Variants in NBEA observed in about 807,000 individuals in gnomAD.
NBEA encodes the protein lysosomal-trafficking regulator 2.
In NBEA, 44 loss-of-function variants were observed where a neutral mutation model predicts 343.4. The observed-to-expected ratio is 0.13, with a 90% CI of 0.10 to 0.16. The LOEUF is 0.16. Among genes scored for constraint, NBEA ranks in the 10% least tolerant of loss-of-function variants. The probability of loss-of-function intolerance (pLI) is 1.00; values close to 1 mark genes in which losing one functional copy is unlikely to be tolerated. For synonymous variants in NBEA, 1,175 were observed against 1,238.7 expected, an observed-to-expected ratio of 0.95 and a Z score of 1.08; for missense variants, 2,555 against 3,631.3, an observed-to-expected ratio of 0.70 and a Z score of 7.62.
At chr13:35,511,680 C>T (rs908253070) in intron 41 of NBEA, among the ~76,000 whole-genome samples, 3 of 152,118 alleles carry the variant, frequency 2.0e-5, no homozygotes, top group Non-Finnish European at 4.4e-5. Flanking sequence ...ATTAGTAAGG[C>T]AGCATTACAC....
intron 1 of NBEA, among the ~76,000 whole-genome samples, chr13:35,010,747 T>A (rs1445166938): frequency 0.027 from 395 of 14,444 alleles, 38 homozygotes; most frequent in East Asian, 0.096. Flanking sequence ...AAAAAATATA[T>A]ATATATATAT....
chr13:35,027,277 C>T (rs759926711), intron 1 of NBEA, among the ~76,000 whole-genome samples: 5 of 151,958 alleles, frequency 3.3e-5, no homozygotes, highest in African/African-American at 4.8e-5. Flanking sequence ...AGTGAAATTA[C>T]TTGATAATAT....
Position 35,554,969 on chromosome 13 carries a change from G to A in NBEA, c.6807-18G>A. 7.4e-7 allele frequency: 1 copy of A among 1,344,644 alleles called. No individual in the cohort carries two copies. The highest frequency in any genetic ancestry group is 1.1e-6 in the Non-Finnish European group (1 of 946,756). The allele number at this position is 1,344,644 out of a possible 1,614,324, so 83.3% of individuals were successfully genotyped here. A position where few individuals can be genotyped will look rare whatever the true frequency, so the allele number is the denominator to read the frequency against. ...GAATTAAAGAGACTATGTTTGTTAT[G>A]CTGTGCTTAATTGCTAGGAGGATAT... is the stretch of plus-strand genomic sequence containing the variant. On this transcript the variant is annotated intron_variant, in intron 43 of 58. Coordinates refer to ENST00000379939, the MANE Select transcript of NBEA (RefSeq NM_001385012.1).
chr13:35,218,887 T>C (rs1371566022), intron 33 of NBEA, among the ~76,000 whole-genome samples: 1 of 152,056 alleles, frequency 6.6e-6, no homozygotes, highest in Admixed American at 6.6e-5. Context: ...TCTTGAAAGC[T>C]TCTATAAGAT....
chr13:35,130,013 G>A (rs2152684400), intron 17 of NBEA, among the ~76,000 whole-genome samples: 1 of 152,226 alleles, frequency 6.6e-6, no homozygotes, highest in South Asian at 2.1e-4. Flanking sequence ...TGAATAGAGT[G>A]ATGATTTACT....
chr13:35,336,244 TA>T (rs2039250470), intron 36 of NBEA, among the ~76,000 whole-genome samples: 1 of 152,070 alleles, frequency 6.6e-6, no homozygotes, highest in Non-Finnish European at 1.5e-5. Context: ...ATTGCCATAT[TA>T]TAATACTCAA....
chr13:35,500,797 G>A (rs2076859232), intron 41 of NBEA, among the ~76,000 whole-genome samples: 1 of 150,358 alleles, frequency 6.7e-6, no homozygotes, highest in South Asian at 2.1e-4. Flanking sequence ...TAGGAGAATA[G>A]TTAGAGGCTT....
intron 1 of NBEA, among the ~76,000 whole-genome samples, chr13:34,988,207 G>A (rs1031268978): frequency 2.6e-5 from 4 of 151,044 alleles, no homozygotes; most frequent in South Asian, 2.1e-4. Context: ...GGTGTCAGTC[G>A]GCCCCTACTG....
chr13:35,027,787 A>G (rs2062066570), intron 1 of NBEA, among the ~76,000 whole-genome samples: 1 of 151,888 alleles, frequency 6.6e-6, no homozygotes, highest in Non-Finnish European at 1.5e-5. Flanking sequence ...CTGCTATGTT[A>G]TCTTCTAAAA....
intron 8 of NBEA, 127 bp from the exon 9 acceptor site, chr13:35,069,781 C>T: frequency 2.0e-6 from 1 of 505,896 alleles, no homozygotes; most frequent in South Asian, 7.4e-5. Context: ...AGTAATACCA[C>T]TGAATAGTCC....
intron 36 of NBEA, among the ~76,000 whole-genome samples, chr13:35,327,319 A>G (rs556259300): frequency 6.6e-6 from 1 of 152,224 alleles, no homozygotes; most frequent in East Asian, 1.9e-4. Flanking sequence ...AAGAAAACAC[A>G]TGTACACGTA....
In NBEA at chr13:35,019,179, C is replaced by T. The variant is rs143130824; in HGVS notation, c.295-21754C>T. 1.5e-3 allele frequency among the ~76,000 whole-genome samples: 232 copies of T among 151,528 alleles called. 1 individual carries two copies. The highest frequency in any genetic ancestry group is 5.0e-3 in the African/African-American group (207 of 41,358). ...TATATATTAAGTGTTTTTGTGTCTA[C>T]GTTCACGATGGTTATTTGGCTGTAG... On this transcript the variant is annotated intron_variant, in intron 1 of 58. Transcript: ENST00000379939.
intron 32 of NBEA, among the ~76,000 whole-genome samples, chr13:35,209,520 T>A (rs2152751374): frequency 6.6e-6 from 1 of 152,214 alleles, no homozygotes; most frequent in South Asian, 2.1e-4. Flanking sequence ...TTTTGTAAAT[T>A]TCCAGAAATG....
intron 18 of NBEA, among the ~76,000 whole-genome samples, chr13:35,152,097 TGTA>T (rs2068827038): frequency 6.6e-6 from 1 of 152,172 alleles, no homozygotes; most frequent in East Asian, 1.9e-4. Context: ...TAGTTAAACA[TGTA>T]GTGGTGACAC....
chr13:35,519,206 T>G (rs1279941116), intron 41 of NBEA, among the ~76,000 whole-genome samples: 1 of 152,336 alleles, frequency 6.6e-6, no homozygotes, highest in African/African-American at 2.4e-5. Flanking sequence ...AAATGTATTC[T>G]TTGTTTTGGG....
intron 33 of NBEA, among the ~76,000 whole-genome samples, chr13:35,220,356 T>G (rs1017917105): frequency 3.3e-5 from 5 of 152,176 alleles, no homozygotes; most frequent in African/African-American, 1.2e-4. Flanking sequence ...ATATTTCTTC[T>G]TCTGAAAGAA....
chr13:35,187,080 C>T, intron 30 of NBEA, among the ~76,000 whole-genome samples: 2 of 151,960 alleles, frequency 1.3e-5, no homozygotes, highest in East Asian at 3.9e-4. Context: ...TTTATTTTTT[C>T]AGTAATTTAC....
chr13:35,661,285 C>T (rs2085078868), intron 55 of NBEA, among the ~76,000 whole-genome samples: 1 of 152,022 alleles, frequency 6.6e-6, no homozygotes, highest in Admixed American at 6.6e-5. Context: ...TTTAGGTGAG[C>T]GTAGGACAGT....
chr13:35,206,436 T>C (rs2073401224), intron 31 of NBEA, among the ~76,000 whole-genome samples: 1 of 152,170 alleles, frequency 6.6e-6, no homozygotes, highest in Non-Finnish European at 1.5e-5. Flanking sequence ...GCATTATACT[T>C]TCACTAATGA....
Sources: gnomAD v4.1 joint callset for allele counts (sites outside exome capture counted in the v4.1 genomes callset) on GRCh38, gnomAD v4.1.1 for gene constraint, MANE v1.5 for transcripts, NCBI Gene and HGNC (gene_info 2026-07-23, HGNC 2026-07-21) for gene names.